The following SERINC5 variants were observed in gnomAD, a reference collection of about 807,000 sequenced individuals.
The protein encoded by SERINC5 is serine incorporator 5.
SERINC5 carries 41 observed loss-of-function variants against 63.1 expected under a neutral mutation model. That is an observed-to-expected ratio of 0.65 (90% confidence interval 0.51 to 0.84). The LOEUF is 0.84. Ranked by LOEUF, SERINC5 falls within the 40% of genes least tolerant of loss-of-function variation. The probability of loss-of-function intolerance (pLI) is 0.00; values close to 1 mark genes in which losing one functional copy is unlikely to be tolerated. For missense variants in SERINC5, 523 were observed against 573.0 expected (o/e 0.91, Z 0.89); for synonymous variants, 222 against 215.2 (o/e 1.03, Z -0.28).
At position 80,138,739 on chromosome 5, in the gene SERINC5, G is replaced by A. The variant is rs1745325556; in HGVS notation, c.*4924C>T. On this transcript the variant is annotated 3_prime_UTR_variant, in exon 12 of 12. Transcript: ENST00000507668. ...TCAAAACATCATGTTGCACACCACA[G>A]ATATATATCTTTTATTTGTCAATTA... is the stretch of plus-strand genomic sequence containing the variant. The A allele has an allele frequency of 2.4e-6, 2 of 828,552 alleles. No homozygotes were observed. Among genetic ancestry groups the A allele is most frequent in the Non-Finnish European group, 1.5e-6 (1 of 687,120 alleles). The allele number at this position is 828,552 out of a possible 1,614,324, so 51.3% of individuals were successfully genotyped here.
chr5:80,137,642 C>CAAAAAAAAAAAAAAAA (rs57807742), downstream of SERINC5, among the ~76,000 whole-genome samples: 3 of 104,776 alleles, frequency 2.9e-5, 1 homozygote. Context: ...GACTCTAACT[C>CAAAAAAAAAAAAAAAA]AAAAAAAAAA....
At chr5:80,118,090 C>G (rs564186647) in intron 11 of SERINC5, among the ~76,000 whole-genome samples, 1 of 152,122 alleles carries the variant, frequency 6.6e-6, no homozygotes, top group African/African-American at 2.4e-5. Context: ...GTAATTGCAG[C>G]TACTCAGGAG....
intron 7 of SERINC5, among the ~76,000 whole-genome samples, chr5:80,161,407 A>C (rs560183813): frequency 6.6e-6 from 1 of 152,230 alleles, no homozygotes; most frequent in South Asian, 2.1e-4. Flanking sequence ...GTGTGAAATG[A>C]CATCTAGTTA....
downstream of SERINC5, among the ~76,000 whole-genome samples, chr5:80,136,261 C>T (rs1383367645): frequency 6.7e-6 from 1 of 149,674 alleles, no homozygotes. Context: ...CCAGCCTAGG[C>T]AAGAGACCTC....
In SERINC5 at chr5:80,169,488, T is replaced by C. The variant is rs759732415; in HGVS notation, c.610A>G (p.Ile204Val). 4.8e-5 allele frequency: 77 copies of C among 1,613,824 alleles called. No homozygotes were observed. The highest frequency in any genetic ancestry group is 6.2e-5 in the Non-Finnish European group (73 of 1,179,866). The change falls in exon 6 of 12, where the codon ATC becomes GTC. Residue 204 changes from isoleucine (I) to valine (V), a missense_variant. Ile to Val is a conservative substitution (Grantham distance 29, BLOSUM62 3). Coordinates refer to ENST00000507668, the MANE Select transcript of SERINC5 (RefSeq NM_001174072.3). ...WYASLALVTL[I>V]MYSIATGGLV... is the part of the protein sequence containing the mutation. ...CCTCCAGTGGCAATGGAATACATGA[T>C]GAGCGTCACCAGGGCCAGGGAGGCG... is the stretch of plus-strand genomic sequence containing the variant.
In SERINC5 at chr5:80,148,024, T is replaced by C. The variant is rs186609282; in HGVS notation, c.1054-740A>G. ...TTCACAATAGGTAACACGTGGTATCTAGGAGCTTGGCGAAGCTGGTAGGAT... is the reference window on the plus strand; with the variant it reads ...TTCACAATAGGTAACACGTGGTATCCAGGAGCTTGGCGAAGCTGGTAGGAT... On this transcript the variant is annotated intron_variant, in intron 9 of 11. Transcript: ENST00000507668. Among the ~76,000 whole-genome samples the C allele has an allele frequency of 2.6e-3, 392 of 152,048 alleles. 2 individuals carry two copies. The highest frequency in any genetic ancestry group is 3.1e-3 in the Non-Finnish European group (210 of 67,976).
chr5:80,219,581 A>G (rs1750811424), intron 1 of SERINC5, among the ~76,000 whole-genome samples: 1 of 152,090 alleles, frequency 6.6e-6, no homozygotes, highest in Non-Finnish European at 1.5e-5. Flanking sequence ...CCACTTCTGG[A>G]GCAGGTCCTC....
In SERINC5 at chr5:80,146,146, G is replaced by A; in HGVS notation, c.1182C>T (p.His394=). 1.2e-6 allele frequency: 2 copies of A among 1,614,026 alleles called. No homozygotes were observed. The highest frequency in any genetic ancestry group is 1.7e-6 in the Non-Finnish European group (2 of 1,179,870). Residue 394 remains histidine, a synonymous_variant, in exon 11 of 12, where the codon CAC becomes CAT. Coordinates refer to ENST00000507668, the MANE Select transcript of SERINC5 (RefSeq NM_001174072.3). ...ACAGGGAAGCTAGGAAGAACACGAA[G>A]TGGAAGTAGGAGTAGATGTAGACGG... The part of the protein sequence containing the change: ...KGTVYIYSYF[H]FVFFLASLYV...
In SERINC5 at chr5:80,252,779, G is replaced by A. The variant is rs1024674983; in HGVS notation, c.27+3117C>T. 3.9e-5 allele frequency among the ~76,000 whole-genome samples: 6 copies of A among 152,232 alleles called. No homozygotes were observed. The South Asian group carries it at 1.0e-3, about 26-fold the overall frequency. On this transcript the variant is annotated intron_variant, in intron 1 of 11. Transcript: ENST00000507668. ...TTGAGGTAAAATGAGGTCATAGAGG[G>A]TAAGTAACTCATCCAGTCACACCAG...
chr5:80,134,314 T>C (rs1177938471), downstream of SERINC5, among the ~76,000 whole-genome samples: 1 of 151,982 alleles, frequency 6.6e-6, no homozygotes, highest in Admixed American at 6.6e-5. Context: ...GGTGAAACCC[T>C]GTCTCTACTA....
chr5:80,189,921 G>T (rs887334922), intron 2 of SERINC5, among the ~76,000 whole-genome samples: 3 of 152,060 alleles, frequency 2.0e-5, no homozygotes, highest in Admixed American at 6.6e-5. Context: ...ATGTTGCACA[G>T]GCTGGTCTCA....
At chr5:80,192,709 G>A (rs1749264257) in intron 2 of SERINC5, among the ~76,000 whole-genome samples, 1 of 152,124 alleles carries the variant, frequency 6.6e-6, no homozygotes, top group Non-Finnish European at 1.5e-5. Flanking sequence ...AGACTGTCTC[G>A]CTGAAATTTT....
intron 1 of SERINC5, among the ~76,000 whole-genome samples, chr5:80,252,028 C>T (rs1012055235): frequency 1.3e-5 from 2 of 151,014 alleles, no homozygotes; most frequent in Non-Finnish European, 2.9e-5. Context: ...TCCGCTCTGA[C>T]AGTGAGCACT....
chr5:80,115,961 T>A (rs1744308334), intron 11 of SERINC5, among the ~76,000 whole-genome samples: 2 of 152,074 alleles, frequency 1.3e-5, no homozygotes, highest in African/African-American at 4.8e-5. Flanking sequence ...AGTTCGTCAC[T>A]AAGTTAATTC....
chr5:80,224,133 C>CA (rs33915521), intron 1 of SERINC5, among the ~76,000 whole-genome samples: 31,089 of 101,968 alleles, frequency 0.3, 4,897 homozygotes, highest in South Asian at 0.4. Flanking sequence ...AACTCCGTCT[C>CA]AAAAAAAAAA....
intron 1 of SERINC5, among the ~76,000 whole-genome samples, chr5:80,242,988 G>A (rs1381908889): frequency 6.6e-6 from 1 of 152,206 alleles, no homozygotes; most frequent in African/African-American, 2.4e-5. Context: ...AGGTCAGGGA[G>A]ACAGATTTGA....
At chr5:80,199,537 G>A (rs2112481357) in intron 2 of SERINC5, among the ~76,000 whole-genome samples, 1 of 152,316 alleles carries the variant, frequency 6.6e-6, no homozygotes, top group East Asian at 1.9e-4. Flanking sequence ...TCCGTTAACA[G>A]TCAGAAAGCA....
chr5:80,218,092 A>C (rs1409003198), intron 1 of SERINC5, among the ~76,000 whole-genome samples: 1 of 152,260 alleles, frequency 6.6e-6, no homozygotes, highest in Non-Finnish European at 1.5e-5. Flanking sequence ...GCTCTGCTCC[A>C]TCTCAAAAAC....
chr5:80,226,159 G>T (rs1304369881), intron 1 of SERINC5, among the ~76,000 whole-genome samples: 1 of 152,074 alleles, frequency 6.6e-6, no homozygotes, highest in Non-Finnish European at 1.5e-5. Context: ...CCCACTTCAA[G>T]CGATTCTCGT....
Sources: allele counts gnomAD v4.1 joint callset (sites outside exome capture counted in the v4.1 genomes callset), GRCh38; gene constraint gnomAD v4.1.1; transcripts MANE v1.5; gene names NCBI Gene and HGNC (gene_info 2026-07-23, HGNC 2026-07-21).